DGKG: variants seen among roughly 807,000 people sequenced by gnomAD.
DGKG encodes diacylglycerol kinase gamma.
Under a neutral mutation model 105.3 loss-of-function variants are expected in DGKG, and 78 were observed. That is an observed-to-expected ratio of 0.74 (90% CI 0.62 to 0.89). The LOEUF (loss-of-function observed/expected upper bound fraction) is 0.89, where lower values mean the gene tolerates loss of function less well. DGKG is among the 40% of genes least tolerant of loss of function. The pLI, the probability that DGKG is intolerant of heterozygous loss-of-function variation, is 0.00. For synonymous variants in DGKG, 346 were observed against 367.1 expected (o/e 0.94, Z 0.66); for missense variants, 958 against 1,020.1 (o/e 0.94, Z 0.83).
intron 2 of DGKG, among the ~76,000 whole-genome samples, chr3:186,313,142 G>C (rs1288256955): frequency 6.6e-6 from 1 of 152,174 alleles, no homozygotes; most frequent in Non-Finnish European, 1.5e-5. Context: ...CACTTGCAGG[G>C]CTTTAAAAAA....
At chr3:186,295,502 AAAT>A (rs56221168) in intron 5 of DGKG, among the ~76,000 whole-genome samples, 116,521 of 145,260 alleles carry the variant, frequency 0.8, 47,217 homozygotes, top group Middle Eastern at 0.87. Flanking sequence ...CTCCGTCTCA[AAAT>A]AATAATAATA....
rs189785002 is a variant in DGKG, at chr3:186,250,826, A to C, written c.1761+933T>G. On this transcript the variant is annotated intron_variant, in intron 19 of 24. Coordinates refer to ENST00000265022, the MANE Select transcript of DGKG (RefSeq NM_001346.3). Reference sequence around the variant, plus strand: ...CAGCCTCCCAAAGTGCTGGGATTGCAGGCGTGAGCTACCGTGCCTGACCAA... The same window carrying C: ...CAGCCTCCCAAAGTGCTGGGATTGCCGGCGTGAGCTACCGTGCCTGACCAA... Among the ~76,000 whole-genome samples the C allele has an allele frequency of 1.5e-4, 23 of 152,246 alleles. No individual in the cohort carries two copies. The East Asian group carries it at 4.4e-3, about 29-fold the overall frequency.
intron 2 of DGKG, among the ~76,000 whole-genome samples, chr3:186,318,665 G>A (rs1300441298): frequency 1.3e-5 from 2 of 152,148 alleles, no homozygotes; most frequent in African/African-American, 2.4e-5. Flanking sequence ...AGAATGTCAC[G>A]TGAGGGCATG....
At chr3:186,341,958 T>C (rs1057230942) in intron 1 of DGKG, among the ~76,000 whole-genome samples, 1 of 152,078 alleles carries the variant, frequency 6.6e-6, no homozygotes, top group Non-Finnish European at 1.5e-5. Context: ...TAGGTGGGAA[T>C]TGAACAATGA....
In DGKG at chr3:186,239,204, A is replaced by G. The variant is rs563879065; in HGVS notation, c.1826+3300T>C. ...TGACTAGTCACTCTCCCTTGCTGAAAACAAAACAAAACAGAACAAAACACA... is the reference window on the plus strand; with the variant it reads ...TGACTAGTCACTCTCCCTTGCTGAAGACAAAACAAAACAGAACAAAACACA... On this transcript the variant is annotated intron_variant, in intron 20 of 24. Coordinates refer to ENST00000265022, the MANE Select transcript of DGKG (RefSeq NM_001346.3). Among the ~76,000 whole-genome samples, 8 of 152,312 alleles carry G rather than the reference A, an allele frequency of 5.3e-5. No individual in the cohort carries two copies. The East Asian group carries it at 1.5e-3, about 29-fold the overall frequency.
Position 186,338,673 on chromosome 3 carries a change from A to T in DGKG, c.-248-17966T>A, listed in dbSNP as rs190010247. On this transcript the variant is annotated intron_variant, in intron 1 of 24. Coordinates refer to ENST00000265022, the MANE Select transcript of DGKG (RefSeq NM_001346.3). ...TTTTTAATTCTTTTTTAAAAAGGGAATGTATTAATGTATTATTTATACTTT... is the reference window on the plus strand; with the variant it reads ...TTTTTAATTCTTTTTTAAAAAGGGATTGTATTAATGTATTATTTATACTTT... Among the ~76,000 whole-genome samples, 125 of 152,318 alleles carry T rather than the reference A, an allele frequency of 8.2e-4. 2 individuals carry two copies. Among genetic ancestry groups the T allele is most frequent in the South Asian group, 1.0e-3 (5 of 4,826 alleles).
At chr3:186,274,973 A>AGAG (rs1375972509) in intron 10 of DGKG, among the ~76,000 whole-genome samples, 3 of 152,176 alleles carry the variant, frequency 2.0e-5, no homozygotes, top group African/African-American at 7.2e-5. Context: ...ACTGTCTTCC[A>AGAG]CAATGGTTGA....
chr3:186,330,943 C>A (rs1377901412), intron 1 of DGKG, among the ~76,000 whole-genome samples: 2 of 152,194 alleles, frequency 1.3e-5, no homozygotes, highest in Non-Finnish European at 2.9e-5. Context: ...AAGACAACTA[C>A]ACAAGCACTT....
intron 22 of DGKG, among the ~76,000 whole-genome samples, chr3:186,174,084 C>G (rs1716956642): frequency 6.6e-6 from 1 of 152,220 alleles, no homozygotes; most frequent in Non-Finnish European, 1.5e-5. Context: ...GAGCTTCGGA[C>G]AGAGTTGGGT....
intron 19 of DGKG, among the ~76,000 whole-genome samples, chr3:186,249,182 G>T (rs1478562226): frequency 6.6e-6 from 1 of 152,070 alleles, no homozygotes; most frequent in African/African-American, 2.4e-5. Context: ...CCTGGAAGAG[G>T]TCTAGGGAAA....
At chr3:186,217,025 C>T (rs1361556190) in intron 20 of DGKG, among the ~76,000 whole-genome samples, 1 of 152,088 alleles carries the variant, frequency 6.6e-6, no homozygotes, top group Non-Finnish European at 1.5e-5. Flanking sequence ...GTGGCAAATG[C>T]AAAGTACCAA....
At chr3:186,185,807 T>A (rs1406805880) in intron 22 of DGKG, among the ~76,000 whole-genome samples, 1 of 151,574 alleles carries the variant, frequency 6.6e-6, no homozygotes, top group African/African-American at 2.4e-5. Context: ...ACTTAAGGGG[T>A]CAACAGAGGC....
intron 24 of DGKG, among the ~76,000 whole-genome samples, chr3:186,153,832 C>T (rs778173521): frequency 1.3e-5 from 2 of 152,170 alleles, no homozygotes; most frequent in South Asian, 2.1e-4. Flanking sequence ...GGGCCAGGCG[C>T]GGTGGCTCAC....
intron 24 of DGKG, among the ~76,000 whole-genome samples, chr3:186,154,203 A>G (rs2108469612): frequency 1.3e-5 from 2 of 152,358 alleles, no homozygotes; most frequent in South Asian, 4.1e-4. Context: ...AGTCTCTGCG[A>G]TATTTTAAAA....
chr3:186,301,539 A>G (rs1723921021), intron 3 of DGKG, among the ~76,000 whole-genome samples: 1 of 152,202 alleles, frequency 6.6e-6, no homozygotes, highest in Admixed American at 6.5e-5. Flanking sequence ...AGGCAGGAGA[A>G]TGGCATGAAC....
At chr3:186,345,395 T>TGTTATAACATAAG (rs1203064188) in intron 1 of DGKG, among the ~76,000 whole-genome samples, 1 of 151,904 alleles carries the variant, frequency 6.6e-6, no homozygotes, top group African/African-American at 2.4e-5. Context: ...TATAACTGAG[T>TGTTATAACATAAG]TGTTTGGTGT....
intron 24 of DGKG, among the ~76,000 whole-genome samples, chr3:186,157,003 C>T (rs961778954): frequency 6.6e-6 from 1 of 151,820 alleles, no homozygotes; most frequent in Non-Finnish European, 1.5e-5. Context: ...TTTCTAATTA[C>T]ATTTCTTTTC....
At chr3:186,308,467 C>T (rs1220352551) in intron 2 of DGKG, among the ~76,000 whole-genome samples, 1 of 152,114 alleles carries the variant, frequency 6.6e-6, no homozygotes, top group African/African-American at 2.4e-5. Context: ...TAAAAGCTCA[C>T]ACAGTGTTTT....
At chr3:186,233,440 C>T (rs1720251774) in intron 20 of DGKG, among the ~76,000 whole-genome samples, 1 of 152,146 alleles carries the variant, frequency 6.6e-6, no homozygotes, top group African/African-American at 2.4e-5. Context: ...TTCAGACTTC[C>T]AACCTCCAGA....
Sources: allele counts gnomAD v4.1 joint callset (sites outside exome capture counted in the v4.1 genomes callset), GRCh38; gene constraint gnomAD v4.1.1; transcripts MANE v1.5; gene names NCBI Gene and HGNC (gene_info 2026-07-23, HGNC 2026-07-21).